The following CYGB variants were observed in gnomAD, a reference collection of about 807,000 sequenced individuals.
CYGB encodes the protein cytoglobin.
Under a neutral mutation model 20.7 loss-of-function variants are expected in CYGB, and 13 were observed. That is an observed-to-expected ratio of 0.63 (90% confidence interval 0.41 to 1.00). The LOEUF is 1.00. CYGB is among the 50% of genes least tolerant of loss of function. The pLI, the probability that CYGB is intolerant of heterozygous loss-of-function variation, is 0.00. For synonymous variants in CYGB, 93 were observed against 107.4 expected (o/e 0.87, Z 0.83); for missense variants, 218 against 257.2 (o/e 0.85, Z 1.04).
At chr17:76,529,527 G>C in intron 3 of CYGB, 11 of 985,462 alleles carry the variant, frequency 1.1e-5, no homozygotes, top group Non-Finnish European at 1.3e-5. Context: ...CGCCCAGCCA[G>C]CTCTCTTTCC....
At chr17:76,540,614 A>AC (rs781509601), upstream of CYGB, 6 of 1,595,644 alleles carry the variant, frequency 3.8e-6, no homozygotes, top group African/African-American at 6.7e-5. This position sits in a 1 kb window ranked among gnomAD's most constrained non-coding sequence, Gnocchi z 5.0. Flanking sequence ...GGGTGCTGCC[A>AC]AGGAAGCTGT....
chr17:76,542,069 G>A (rs904948245), upstream of CYGB, among the ~76,000 whole-genome samples: 13 of 152,174 alleles, frequency 8.5e-5, no homozygotes, highest in African/African-American at 3.1e-4. Flanking sequence ...TTTGGTTAAT[G>A]GTTGTGGAAA....
chr17:76,541,516 C>T (rs1350377742), upstream of CYGB, among the ~76,000 whole-genome samples: 1 of 152,152 alleles, frequency 6.6e-6, no homozygotes. Context: ...GAGAGAACTT[C>T]CGTCTTTCTG....
At chr17:76,542,554 G>A (rs1423097762), upstream of CYGB, 3 of 1,614,062 alleles carry the variant, frequency 1.9e-6, no homozygotes, top group Non-Finnish European at 2.5e-6. Context: ...TCTGTTTAGG[G>A]AGAAAGAACC....
intron 3 of CYGB, chr17:76,529,283 G>A (rs1156884753): frequency 1.0e-6 from 1 of 985,330 alleles, no homozygotes; most frequent in Non-Finnish European, 1.2e-6. Flanking sequence ...AAAGGGATGA[G>A]GGGACCACCC....
In CYGB at chr17:76,545,089, T is replaced by C. The variant is rs5742903; in HGVS notation, c.-53+5773A>G. 0.24 allele frequency: 106,776 copies of C among 453,544 alleles called. 13,994 individuals are homozygous for C. The highest frequency in any genetic ancestry group is 0.39 in the South Asian group (24,909 of 64,486). The allele number at this position is 453,544 out of a possible 1,614,324, so 28.1% of individuals were successfully genotyped here. On this transcript the variant is annotated intron_variant, in intron 1 of 3. Transcript: ENST00000589145. The stretch of plus-strand genomic sequence containing the variant: ...GGGCTGTCTCCCCCAGGGAGCAGGC[T>C]GGCTTTGGTGGGAGCAGATTGTGTT...
intron 1 of CYGB, chr17:76,545,060 G>A (rs374415732): frequency 8.9e-6 from 4 of 450,946 alleles, no homozygotes; most frequent in Admixed American, 4.7e-5. Flanking sequence ...TGGGCCGGGT[G>A]GGGGGGCTGT....
Position 76,531,789 on chromosome 17 carries a change from TGCTCCCC to T in CYGB, c.144-105_144-99del. The stretch of plus-strand genomic sequence containing the variant: ...TGGGGGCTGAAGAAGTGGACCGCAG[TGCTCCCC>T]ACCCCCGCACCGTCACTGTTTTCAC... On this transcript the variant is annotated intron_variant, in intron 1 of 3. Coordinates refer to ENST00000293230, the MANE Select transcript of CYGB (RefSeq NM_134268.5). The surrounding 1 kb of genome is among the most constrained non-coding windows in gnomAD (Gnocchi z 7.4). 1.0e-6 allele frequency: 1 copy of T among 964,224 alleles called. No homozygotes were observed. The highest frequency in any genetic ancestry group is 1.6e-5 in the South Asian group (1 of 62,042). The allele number at this position is 964,224 out of a possible 1,614,324, so 59.7% of individuals were successfully genotyped here.
intron 1 of CYGB, among the ~76,000 whole-genome samples, chr17:76,536,415 CT>C (rs532060697): frequency 9.2e-5 from 14 of 152,270 alleles, no homozygotes; most frequent in Middle Eastern, 6.8e-3. Flanking sequence ...CTGCTCTGTC[CT>C]AGATTTGACC....
intron 1 of CYGB, chr17:76,544,968 A>G (rs1232352336): frequency 6.6e-6 from 3 of 456,536 alleles, no homozygotes; most frequent in African/African-American, 6.0e-5. Context: ...AGGGCGGGAA[A>G]AAGAGAGGAA....
chr17:76,531,276 GCT>G lies in CYGB; in HGVS notation c.376-136_376-135del. On this transcript the variant is annotated intron_variant, in intron 2 of 3. Coordinates refer to ENST00000293230, the MANE Select transcript of CYGB (RefSeq NM_134268.5). The surrounding 1 kb of genome is among the most constrained non-coding windows in gnomAD (Gnocchi z 7.4). Reference sequence around the variant, plus strand: ...AGTCTGGCAGCTTTGGGAACCCCGTGCTCTCAGGACAAGGGTTGCCCTGGACC... The same window carrying G: ...AGTCTGGCAGCTTTGGGAACCCCGTGCTCAGGACAAGGGTTGCCCTGGACC... 3 of 1,223,772 alleles carry G rather than the reference GCT, an allele frequency of 2.5e-6. No homozygotes were observed. Among genetic ancestry groups the G allele is most frequent in the Non-Finnish European group, 3.4e-6 (3 of 879,244 alleles). The allele number at this position is 1,223,772 out of a possible 1,614,324, so 75.8% of individuals were successfully genotyped here.
chr17:76,543,915 C>A, intron 1 of CYGB: 1 of 470,786 alleles, frequency 2.1e-6, no homozygotes, highest in Middle Eastern at 3.5e-4. Flanking sequence ...GACAGCTTGT[C>A]CTCCGAATGT....
chr17:76,531,784 C>T lies in CYGB; in HGVS notation c.144-93G>A, dbSNP rs892690557. ...GATAGTGGGGGCTGAAGAAGTGGAC[C>T]GCAGTGCTCCCCACCCCCGCACCGT... On this transcript the variant is annotated intron_variant, in intron 1 of 3. Coordinates refer to ENST00000293230, the MANE Select transcript of CYGB (RefSeq NM_134268.5). This position sits in a 1 kb window ranked among gnomAD's most constrained non-coding sequence, Gnocchi z 7.4. 17 of 1,026,046 alleles carry T rather than the reference C, an allele frequency of 1.7e-5. No homozygotes were observed. The highest frequency in any genetic ancestry group is 5.0e-5 in the East Asian group (2 of 40,024). The allele number at this position is 1,026,046 out of a possible 1,614,324, so 63.6% of individuals were successfully genotyped here.
upstream of CYGB, among the ~76,000 whole-genome samples, chr17:76,541,526 G>A (rs1374593074): frequency 2.6e-5 from 4 of 152,136 alleles, no homozygotes; most frequent in Non-Finnish European, 5.9e-5. Flanking sequence ...CCGTCTTTCT[G>A]TCTCCTGTCG....
At chr17:76,537,332 G>C in intron 1 of CYGB, 68 bp downstream of exon 1, 1 of 1,466,390 alleles carries the variant, frequency 6.8e-7, no homozygotes, top group Middle Eastern at 2.0e-4. Flanking sequence ...CCCGGGCCCA[G>C]CCCTCCTCTG....
At position 76,530,975 on chromosome 17, in the gene CYGB, T is replaced by A. The variant is rs2074831271; in HGVS notation, c.539+4A>T. 6.3e-7 allele frequency: 1 copy of A among 1,592,184 alleles called. No individual in the cohort carries two copies. The highest frequency in any genetic ancestry group is 8.6e-7 in the Non-Finnish European group (1 of 1,168,260). On this transcript the variant is annotated splice_donor_region_variant and intron_variant, in intron 3 of 3. Transcript: ENST00000293230. The surrounding 1 kb of genome is among the most constrained non-coding windows in gnomAD (Gnocchi z 6.1). The stretch of plus-strand genomic sequence containing the variant: ...GCCCAGCCCACCCTCGCCCGCCTCC[T>A]CACGTGGTGGCGTTGGGGACCTGCT...
Position 76,528,140 on chromosome 17 carries a change from A to G in CYGB, c.*438T>C. The G allele has an allele frequency of 3.0e-6, 1 of 334,116 alleles. No individual in the cohort carries two copies. The highest frequency in any genetic ancestry group is 4.7e-5 in the East Asian group (1 of 21,256). The allele number at this position is 334,116 out of a possible 1,614,324, so 20.7% of individuals were successfully genotyped here. On this transcript the variant is annotated 3_prime_UTR_variant, in exon 4 of 4. Transcript: ENST00000293230. This position sits in a 1 kb window ranked among gnomAD's most constrained non-coding sequence, Gnocchi z 5.8. Reference sequence around the variant, plus strand: ...TGTGTGTATATATATATGTATATATATATTTATATATAGCTCGTATATAGA... The same window carrying G: ...TGTGTGTATATATATATGTATATATGTATTTATATATAGCTCGTATATAGA...
At chr17:76,543,085 G>T in intron 1 of CYGB, 1 of 471,582 alleles carries the variant, frequency 2.1e-6, no homozygotes, top group East Asian at 6.9e-5. Context: ...TGCAGCAGCG[G>T]CAAGAGGGAG....
Position 76,530,338 on chromosome 17 carries a change from C to T in CYGB, c.539+641G>A, listed in dbSNP as rs772559877. Among the ~76,000 whole-genome samples, 37 of 152,100 alleles carry T rather than the reference C, an allele frequency of 2.4e-4. No homozygotes were observed. Among genetic ancestry groups the T allele is most frequent in the Non-Finnish European group, 4.4e-4 (30 of 68,006 alleles). ...CCTCACGCTCCGAGTCAGCAGGAGT[C>T]ACAGAGGGCGGCCACCCTCCTTGAG... is the stretch of plus-strand genomic sequence containing the variant. On this transcript the variant is annotated intron_variant, in intron 3 of 3. Transcript: ENST00000293230. This position sits in a 1 kb window ranked among gnomAD's most constrained non-coding sequence, Gnocchi z 6.1.
Sources: allele counts gnomAD v4.1 joint callset (sites outside exome capture counted in the v4.1 genomes callset), GRCh38; gene constraint gnomAD v4.1.1; non-coding constraint Gnocchi (gnomAD v3.1); transcripts MANE v1.5; gene names NCBI Gene and HGNC (gene_info 2026-07-23, HGNC 2026-07-21).